The following CMKLR2 variants were observed in gnomAD, a reference collection of about 807,000 sequenced individuals.
CMKLR2 encodes chemerin-like receptor 2.
CMKLR2 carries 18 observed loss-of-function variants against 23.0 expected under a neutral mutation model. The ratio of observed to expected loss-of-function variants is 0.78; its 90% confidence interval spans 0.54 to 1.16. The LOEUF (loss-of-function observed/expected upper bound fraction) is 1.16. CMKLR2 is among the 50% of genes most tolerant of loss of function. The pLI, the probability that CMKLR2 is intolerant of heterozygous loss-of-function variation, is 0.00. For missense variants in CMKLR2, 401 were observed against 412.7 expected (o/e 0.97, Z 0.25); for synonymous variants, 158 against 158.9 (o/e 0.99, Z 0.05).
intron 1 of CMKLR2, among the ~76,000 whole-genome samples, chr2:206,196,133 G>T (rs759635822): frequency 2.0e-5 from 3 of 152,176 alleles, no homozygotes; most frequent in African/African-American, 2.4e-5. Flanking sequence ...CCAGCACTTT[G>T]GGAGGCTGAG....
chr2:206,179,594 G>T (rs1688347275), intron 1 of CMKLR2, among the ~76,000 whole-genome samples: 1 of 151,968 alleles, frequency 6.6e-6, no homozygotes. Context: ...CTCCCAAAGT[G>T]CTGGGATTAC....
chr2:206,177,616 G>A (rs1688275303), intron 1 of CMKLR2, among the ~76,000 whole-genome samples: 2 of 152,052 alleles, frequency 1.3e-5, no homozygotes, highest in South Asian at 4.2e-4. Context: ...TGAACTCCTG[G>A]GCTCAAGTGA....
At chr2:206,191,923 C>T (rs1311907341) in intron 1 of CMKLR2, among the ~76,000 whole-genome samples, 3 of 151,416 alleles carry the variant, frequency 2.0e-5, no homozygotes, top group Non-Finnish European at 4.4e-5. Flanking sequence ...TCACTGCAAC[C>T]TCTGCCTCCC....
At chr2:206,178,464 G>A (rs937379348) in intron 1 of CMKLR2, among the ~76,000 whole-genome samples, 1 of 152,050 alleles carries the variant, frequency 6.6e-6, no homozygotes, top group African/African-American at 2.4e-5. Context: ...CAATATGGAT[G>A]GCTTCTCATC....
chr2:206,206,562 C>A (rs968314598), intron 1 of CMKLR2, among the ~76,000 whole-genome samples: 13 of 152,216 alleles, frequency 8.5e-5, no homozygotes, highest in African/African-American at 1.2e-4. Context: ...CTCTTCCCTG[C>A]CTCCAAAAAC....
chr2:206,185,491 G>A (rs1007221907), intron 1 of CMKLR2, among the ~76,000 whole-genome samples: 3 of 152,060 alleles, frequency 2.0e-5, no homozygotes, highest in African/African-American at 7.2e-5. Flanking sequence ...CCGAGCAAGA[G>A]GAAGAAAAGA....
intron 1 of CMKLR2, among the ~76,000 whole-genome samples, chr2:206,196,258 C>T (rs953735863): frequency 1.3e-5 from 2 of 151,996 alleles, no homozygotes; most frequent in African/African-American, 2.4e-5. Context: ...GCCTGTAATC[C>T]GAGCTACTTG....
intron 1 of CMKLR2, among the ~76,000 whole-genome samples, chr2:206,182,842 ACTC>A (rs1688458913): frequency 6.6e-6 from 1 of 150,570 alleles, no homozygotes; most frequent in Admixed American, 6.6e-5. Flanking sequence ...CTGGTCTTGA[ACTC>A]CTGACCTCGT....
chr2:206,209,383 CT>C (rs1270889300), intron 1 of CMKLR2, among the ~76,000 whole-genome samples: 1 of 150,760 alleles, frequency 6.6e-6, no homozygotes, highest in Non-Finnish European at 1.5e-5. Context: ...GTTTTTTCAA[CT>C]TTTATTTTAA....
intron 1 of CMKLR2, among the ~76,000 whole-genome samples, chr2:206,191,020 T>C (rs984887947): frequency 1.3e-5 from 2 of 152,198 alleles, no homozygotes; most frequent in Admixed American, 1.3e-4. Context: ...AGGAAGAAAC[T>C]TTTAGGCTTA....
At chr2:206,184,119 G>A (rs1688498916) in intron 1 of CMKLR2, among the ~76,000 whole-genome samples, 1 of 152,026 alleles carries the variant, frequency 6.6e-6, no homozygotes, top group African/African-American at 2.4e-5. Flanking sequence ...GGCCTTCCTT[G>A]GCTTGTACAT....
chr2:206,188,141 A>G (rs1057451930), intron 1 of CMKLR2, among the ~76,000 whole-genome samples: 1 of 152,062 alleles, frequency 6.6e-6, no homozygotes, highest in African/African-American at 2.4e-5. Context: ...GCCACGTTGG[A>G]CAGGCTGGCC....
intron 1 of CMKLR2, among the ~76,000 whole-genome samples, chr2:206,210,276 G>C (rs1193397592): frequency 6.6e-6 from 1 of 152,064 alleles, no homozygotes; most frequent in Non-Finnish European, 1.5e-5. Context: ...GTATTAGTCT[G>C]CTGAGGATAA....
At chr2:206,198,803 C>T (rs1356464669) in intron 1 of CMKLR2, among the ~76,000 whole-genome samples, 1 of 152,116 alleles carries the variant, frequency 6.6e-6, no homozygotes, top group South Asian at 2.1e-4. Context: ...ATATTCTATT[C>T]AAATATTTCA....
intron 1 of CMKLR2, among the ~76,000 whole-genome samples, chr2:206,196,620 C>CCACT (rs1370885961): frequency 6.6e-6 from 1 of 152,188 alleles, no homozygotes; most frequent in Admixed American, 6.6e-5. Context: ...CTCTTCCTCA[C>CCACT]CACTCCCCTC....
upstream of CMKLR2, among the ~76,000 whole-genome samples, chr2:206,214,783 C>G (rs1168218287): frequency 6.6e-6 from 1 of 151,808 alleles, no homozygotes; most frequent in Admixed American, 6.6e-5. Context: ...GCCACCACGC[C>G]CGGCTAATTT....
chr2:206,212,926 A>G (rs1689622987), intron 1 of CMKLR2, among the ~76,000 whole-genome samples: 2 of 152,240 alleles, frequency 1.3e-5, no homozygotes, highest in Admixed American at 1.3e-4. Flanking sequence ...AGCCTTCCAC[A>G]AATGATGTTT....
In CMKLR2 at chr2:206,213,325, G is replaced by A. The variant is rs1216298309; in HGVS notation, c.-47C>T. 1 of 152,218 alleles carries A rather than the reference G, an allele frequency of 6.6e-6. No homozygotes were observed. Among genetic ancestry groups the A allele is most frequent in the African/African-American group, 2.4e-5 (1 of 41,454 alleles). The allele number at this position is 152,218 out of a possible 1,614,324, so 9.4% of individuals were successfully genotyped here. A position where few individuals can be genotyped will look rare whatever the true frequency, so the allele number is the denominator to read the frequency against. ...CACTTACCAGTTAAATTTCTGTGAG[G>A]AGAGAAGCTATTGTCATGCCTGGGT... On this transcript the variant is annotated 5_prime_UTR_variant, in exon 1 of 2. Transcript: ENST00000621141.
chr2:206,187,173 C>G (rs1286109703), intron 1 of CMKLR2, among the ~76,000 whole-genome samples: 1 of 152,048 alleles, frequency 6.6e-6, no homozygotes, highest in Non-Finnish European at 1.5e-5. Context: ...ATGGGAAAAC[C>G]CCATCTCTAC....
Sources: gnomAD v4.1 joint callset for allele counts (sites outside exome capture counted in the v4.1 genomes callset) on GRCh38, gnomAD v4.1.1 for gene constraint, MANE v1.5 for transcripts, NCBI Gene and HGNC (gene_info 2026-07-23, HGNC 2026-07-21) for gene names.